Variants in CLSPN observed in about 807,000 individuals in gnomAD.
The protein encoded by CLSPN is claspin.
A neutral mutation model predicts 156.3 loss-of-function variants in CLSPN; 85 were observed. The observed-to-expected ratio is 0.54, with a 90% CI of 0.46 to 0.65. The LOEUF is 0.65. Ranked by LOEUF, CLSPN falls within the 30% of genes least tolerant of loss-of-function variation. CLSPN has a pLI of 0.00. For synonymous variants in CLSPN, 534 were observed against 542.4 expected (o/e 0.98, Z 0.22); for missense variants, 1,407 against 1,554.9 (o/e 0.90, Z 1.60).
In CLSPN at chr1:35,769,926, C is replaced by A; in HGVS notation, c.-56G>T. The A allele has an allele frequency of 6.3e-7, 1 of 1,596,158 alleles. No individual in the cohort carries two copies. Among genetic ancestry groups the A allele is most frequent in the Non-Finnish European group, 8.5e-7 (1 of 1,170,198 alleles). On this transcript the variant is annotated 5_prime_UTR_variant, in exon 1 of 25. Transcript: ENST00000318121. ...ACGGAGCTGTCTCTGATTCCCTCAG[C>A]CGGAGAGCAGCGGCTCCCGCCGTCT... is the stretch of plus-strand genomic sequence containing the variant.
At chr1:35,721,158 A>G (rs759653947) in intron 24 of CLSPN, among the ~76,000 whole-genome samples, 1 of 152,176 alleles carries the variant, frequency 6.6e-6, no homozygotes. Context: ...TGATTACTAC[A>G]ATAGCACAAG....
chr1:35,736,728 T>A, intron 24 of CLSPN, 122 bp from the exon 25 acceptor site: 1 of 1,424,046 alleles, frequency 7.0e-7, no homozygotes, highest in Non-Finnish European at 9.3e-7. Context: ...GAAAGAAAGA[T>A]AAACTTTCTC....
chr1:35,749,381 A>T, intron 12 of CLSPN, 86 bp downstream of exon 12: 1 of 1,252,770 alleles, frequency 8.0e-7, no homozygotes, highest in Non-Finnish European at 1.1e-6. Flanking sequence ...ATTTAAAAAC[A>T]TGGAAACTTA....
At chr1:35,761,500 C>T (rs1642476513) in intron 6 of CLSPN, among the ~76,000 whole-genome samples, 1 of 152,136 alleles carries the variant, frequency 6.6e-6, no homozygotes, top group Admixed American at 6.5e-5. Flanking sequence ...CAGTAGTCCC[C>T]GCTTATCCAG....
In CLSPN at chr1:35,733,559, G is replaced by T. The variant is rs1244756383; in HGVS notation, c.*2937C>A. On this transcript the variant is annotated 3_prime_UTR_variant, in exon 25 of 25. Coordinates refer to ENST00000318121, the MANE Select transcript of CLSPN (RefSeq NM_022111.4). ...TAGCCTTCCTGCTCAGTTCTCTTTT[G>T]CCCAGCAAGGGCTACTTTGCCTTGG... 1 of 985,154 alleles carries T rather than the reference G, an allele frequency of 1.0e-6. No individual in the cohort carries two copies. Among genetic ancestry groups the T allele is most frequent in the Non-Finnish European group, 1.2e-6 (1 of 829,898 alleles). The allele number at this position is 985,154 out of a possible 1,614,324, so 61.0% of individuals were successfully genotyped here. A position where few individuals can be genotyped will look rare whatever the true frequency, so the allele number is the denominator to read the frequency against.
Position 35,738,581 on chromosome 1 carries a change from A to T in CLSPN, c.3432T>A (p.Asp1144Glu), listed in dbSNP as rs1400391950. The T allele has an allele frequency of 2.8e-5, 45 of 1,613,816 alleles. No homozygotes were observed. Among genetic ancestry groups the T allele is most frequent in the Non-Finnish European group, 3.6e-5 (42 of 1,179,916 alleles). ...GGAACAAGTCCATCTGGGAAGCATC[A>T]TCTAAACAAAGAGTGAAGGTAATCA... ...RMRKFRWKNI[D>E]DASQMDLFHR... is the part of the protein sequence containing the mutation. Residue 1144 changes from aspartate (D) to glutamate (E), a missense_variant and splice_region_variant, in exon 21 of 25, where the codon GAT (aspartate) becomes GAA (glutamate). Physicochemically the swap from Asp to Glu is conservative, Grantham distance 45. This residue lies in a region of CLSPN where 241 missense variants were observed against 240.5 expected (regional missense o/e 1.00). Transcript: ENST00000318121.
intron 15 of CLSPN, 82 bp from the exon 16 acceptor site, chr1:35,745,644 C>A: frequency 2.1e-6 from 2 of 953,924 alleles, no homozygotes; most frequent in Non-Finnish European, 3.3e-6. Context: ...GTCATGCCAG[C>A]TCGATACAGT....
intron 14 of CLSPN, 125 bp from the exon 15 acceptor site, chr1:35,747,117 T>C: frequency 1.5e-6 from 1 of 655,912 alleles, no homozygotes; most frequent in Non-Finnish European, 2.7e-6. Flanking sequence ...GGTCAGGAGA[T>C]CAAGACCATC....
intron 7 of CLSPN, 41 bp from the exon 8 acceptor site, chr1:35,760,957 A>C (rs1158568947): frequency 2.0e-6 from 3 of 1,504,322 alleles, no homozygotes; most frequent in Non-Finnish European, 2.7e-6. Context: ...AATTATCCTA[A>C]ATGTGAAACA....
At chr1:35,762,162 A>G in intron 5 of CLSPN, 92 bp from the exon 6 acceptor site, 1 of 1,026,210 alleles carries the variant, frequency 9.7e-7, no homozygotes, top group Non-Finnish European at 1.5e-6. Context: ...TCTCCAAGAA[A>G]AGAGGAAAGG....
chr1:35,748,185 G>A lies in CLSPN; in HGVS notation c.2473-124C>T, dbSNP rs528580422. On this transcript the variant is annotated intron_variant, in intron 13 of 24. Transcript: ENST00000318121. ...CTCTCAGGAAATTGTAGTTGAGGGG[G>A]ACAATACACAGCCATGAGAAGCATA... 4.5e-6 allele frequency: 5 copies of A among 1,114,036 alleles called. No individual in the cohort carries two copies. The Admixed American group carries it at 9.3e-5, about 21-fold the overall frequency. 69.0% of individuals were successfully genotyped at this position (1,114,036 alleles called of 1,614,324 possible).
chr1:35,769,756 G>C, intron 1 of CLSPN, 91 bp downstream of exon 1: 1 of 1,268,096 alleles, frequency 7.9e-7, no homozygotes, highest in South Asian at 1.7e-5. Context: ...CCGCCCGGGC[G>C]CCTCGGGTCA....
intron 8 of CLSPN, among the ~76,000 whole-genome samples, chr1:35,757,583 G>A (rs1215949325): frequency 2.0e-5 from 3 of 152,168 alleles, no homozygotes; most frequent in Non-Finnish European, 2.9e-5. Flanking sequence ...GGCACTGTGA[G>A]AATTAAGAAA....
Position 35,733,650 on chromosome 1 carries a change from G to A in CLSPN, c.*2846C>T, listed in dbSNP as rs1043191778. On this transcript the variant is annotated 3_prime_UTR_variant, in exon 25 of 25. Transcript: ENST00000318121. ...ATCTTGAACCCATGGATAAAATGAAGTACATACAAACTTAGCTAAAGAGAA... is the reference window on the plus strand; with the variant it reads ...ATCTTGAACCCATGGATAAAATGAAATACATACAAACTTAGCTAAAGAGAA... 3.7e-5 allele frequency: 36 copies of A among 985,276 alleles called. No homozygotes were observed. The Admixed American group carries it at 2.2e-3, about 61-fold the overall frequency. The allele number at this position is 985,276 out of a possible 1,614,324, so 61.0% of individuals were successfully genotyped here.
intron 16 of CLSPN, 88 bp from the exon 17 acceptor site, chr1:35,743,618 T>G: frequency 9.4e-7 from 1 of 1,068,292 alleles, no homozygotes; most frequent in Non-Finnish European, 1.4e-6. Context: ...AAAAATTTTG[T>G]GTGTGTTAAT....
chr1:35,726,413 G>A (rs920324070), intron 24 of CLSPN, among the ~76,000 whole-genome samples: 1 of 152,124 alleles, frequency 6.6e-6, no homozygotes. Flanking sequence ...CTTTGGGGAT[G>A]AGGGGACAGA....
intron 9 of CLSPN, 90 bp from the exon 10 acceptor site, chr1:35,751,596 C>G: frequency 2.7e-6 from 4 of 1,481,888 alleles, no homozygotes; most frequent in Non-Finnish European, 3.6e-6. Flanking sequence ...AGTCACATCC[C>G]AAAAGGAAAA....
Position 35,735,402 on chromosome 1 carries a change from C to G in CLSPN, c.*1094G>C. 1 of 985,328 alleles carries G rather than the reference C, an allele frequency of 1.0e-6. No individual in the cohort carries two copies. The highest frequency in any genetic ancestry group is 1.2e-6 in the Non-Finnish European group (1 of 829,898). The allele number at this position is 985,328 out of a possible 1,614,324, so 61.0% of individuals were successfully genotyped here. The stretch of plus-strand genomic sequence containing the variant: ...CAGCCCATCTGTTGGTTCCTAGGTC[C>G]TCCATCTAAGAAATCGTTCTTTTGG... On this transcript the variant is annotated 3_prime_UTR_variant, in exon 25 of 25. Transcript: ENST00000318121.
At position 35,748,048 on chromosome 1, in the gene CLSPN, A is replaced by T. The variant is rs1232814902; in HGVS notation, c.2486T>A (p.Leu829Gln). Residue 829 changes from leucine (L) to glutamine (Q), a missense_variant, in exon 14 of 25, where the codon CTG becomes CAG. Leu to Gln is a moderately radical substitution (Grantham distance 113). This residue lies in a region of CLSPN where 1,096 missense variants were observed against 1,193.0 expected (regional missense o/e 0.92). Coordinates refer to ENST00000318121, the MANE Select transcript of CLSPN (RefSeq NM_022111.4). ...CTCTATGGGAAGTGAAGGCTCAGAC[A>T]GTTTCCCTGAACTCTGGCACACAAA... ...VSSASKSSGK[L>Q]SEPSLPIEDS... The T allele has an allele frequency of 6.2e-7, 1 of 1,608,374 alleles. No homozygotes were observed.
Sources: gnomAD v4.1 joint callset for allele counts (sites outside exome capture counted in the v4.1 genomes callset) on GRCh38, gnomAD v4.1.1 for gene constraint, gnomAD v4.1.1 regional missense constraint, MANE v1.5 for transcripts, NCBI Gene and HGNC (gene_info 2026-07-23, HGNC 2026-07-21) for gene names.